Variants in PABPC4L observed in about 807,000 individuals in gnomAD.
The protein encoded by PABPC4L is poly(A) binding protein cytoplasmic 4 like.
For synonymous variants in PABPC4L, 169 were observed against 164.1 expected (o/e 1.03, Z -0.23); for missense variants, 452 against 451.4 (o/e 1.00, Z -0.01).
At chr4:134,118,204 A>C in the PABPC4L span, among the ~76,000 whole-genome samples, 1 of 151,914 alleles carries the variant, frequency 6.6e-6, no homozygotes, top group East Asian at 1.9e-4. Context: ...CCTGTTATTC[A>C]TAAGTAGGTT....
the PABPC4L span, among the ~76,000 whole-genome samples, chr4:134,149,124 C>A: frequency 6.6e-6 from 1 of 152,090 alleles, no homozygotes; most frequent in South Asian, 2.1e-4. Context: ...TTCCAAAGCA[C>A]TGTTCAAGAT....
At chr4:134,136,978 G>A in the PABPC4L span, among the ~76,000 whole-genome samples, 1 of 151,924 alleles carries the variant, frequency 6.6e-6, no homozygotes, top group Non-Finnish European at 1.5e-5. Context: ...TGTTGATAAC[G>A]CTGTGGTCTA....
Position 134,200,965 on chromosome 4 carries a change from C to A in PABPC4L, c.55G>T (p.Ala19Ser). The A allele has an allele frequency of 6.4e-7, 1 of 1,554,082 alleles. No homozygotes were observed. The highest frequency in any genetic ancestry group is 1.2e-5 in the South Asian group (1 of 84,158). The change falls in exon 2 of 2, where the codon GCA (alanine) becomes TCA (serine). Residue 19 changes from alanine (A) to serine (S), a missense_variant. By Grantham distance (99) the Ala-to-Ser change is moderately conservative. Coordinates refer to ENST00000421491, the MANE Select transcript of PABPC4L (RefSeq NM_001114734.2). Reference protein sequence around the residue: ...MASLYVGDLHADVTEDLLFRK... With the variant: ...MASLYVGDLHSDVTEDLLFRK... ...AACAGCAGGTCCTCGGTGACATCTG[C>A]ATGTAAGTCACCCACATACAGGGAG...
chr4:134,154,171 A>T, the PABPC4L span, among the ~76,000 whole-genome samples: 1 of 152,246 alleles, frequency 6.6e-6, no homozygotes, highest in African/African-American at 2.4e-5. Flanking sequence ...TAAATAAAAT[A>T]TTATGAAATA....
At chr4:134,185,386 G>A in the PABPC4L span, among the ~76,000 whole-genome samples, 6 of 151,830 alleles carry the variant, frequency 4.0e-5, no homozygotes, top group Non-Finnish European at 8.8e-5. Flanking sequence ...GTTCAACATA[G>A]GGAAATCAAT....
chr4:134,178,124 TC>T, the PABPC4L span, among the ~76,000 whole-genome samples: 1 of 151,924 alleles, frequency 6.6e-6, no homozygotes, highest in African/African-American at 2.4e-5. Flanking sequence ...ACCTTGTATT[TC>T]CCCAGGAGGC....
At chr4:134,091,902 T>C in the PABPC4L span, among the ~76,000 whole-genome samples, 2 of 152,120 alleles carry the variant, frequency 1.3e-5, no homozygotes, top group Admixed American at 1.3e-4. Flanking sequence ...TGGATTCAGT[T>C]TGCAAATATT....
At chr4:133,956,636 G>A in the PABPC4L span, among the ~76,000 whole-genome samples, 1 of 152,264 alleles carries the variant, frequency 6.6e-6, no homozygotes, top group African/African-American at 2.4e-5. Context: ...CCATATCTCT[G>A]AAGATAGTGT....
the PABPC4L span, among the ~76,000 whole-genome samples, chr4:133,991,632 A>G: frequency 1.4e-3 from 219 of 152,294 alleles, no homozygotes; most frequent in Non-Finnish European, 2.6e-3. Context: ...CCAGTTGCCA[A>G]GATGACTATG....
At chr4:134,003,822 T>A in the PABPC4L span, among the ~76,000 whole-genome samples, 1 of 151,898 alleles carries the variant, frequency 6.6e-6, no homozygotes, top group Non-Finnish European at 1.5e-5. Flanking sequence ...GGATTATTAA[T>A]GTTAAACGGT....
chr4:134,027,313 T>C, the PABPC4L span, among the ~76,000 whole-genome samples: 1 of 152,076 alleles, frequency 6.6e-6, no homozygotes, highest in Non-Finnish European at 1.5e-5. Context: ...AACCAGTCAC[T>C]GGGAGTGGTC....
the PABPC4L span, among the ~76,000 whole-genome samples, chr4:133,956,252 T>C: frequency 6.6e-6 from 1 of 152,218 alleles, no homozygotes. Flanking sequence ...GGAATGTAAT[T>C]ATAATTAGTA....
the PABPC4L span, among the ~76,000 whole-genome samples, chr4:134,091,625 T>G: frequency 6.6e-6 from 1 of 151,836 alleles, no homozygotes; most frequent in Admixed American, 6.6e-5. Context: ...TCTTGAAAAC[T>G]AAGATAGATA....
chr4:133,976,805 GTTGT>G, the PABPC4L span, among the ~76,000 whole-genome samples: 7 of 152,034 alleles, frequency 4.6e-5, no homozygotes, highest in Non-Finnish European at 8.8e-5. Context: ...TTTTAATGGG[GTTGT>G]TTGTTTATTC....
At chr4:134,122,778 A>C in the PABPC4L span, among the ~76,000 whole-genome samples, 6 of 151,728 alleles carry the variant, frequency 4.0e-5, no homozygotes, top group African/African-American at 1.2e-4. Flanking sequence ...CAATTTTTAC[A>C]TTTCCTTTTT....
the PABPC4L span, among the ~76,000 whole-genome samples, chr4:133,994,740 G>A: frequency 6.6e-6 from 1 of 151,958 alleles, no homozygotes; most frequent in Non-Finnish European, 1.5e-5. Context: ...CCTTTCCCTG[G>A]GCATTGGGGA....
At chr4:134,102,705 T>C in the PABPC4L span, among the ~76,000 whole-genome samples, 3 of 151,546 alleles carry the variant, frequency 2.0e-5, no homozygotes, top group Non-Finnish European at 4.4e-5. Flanking sequence ...CTATTTCTCA[T>C]ATTATAGAAT....
At chr4:134,026,512 G>A in the PABPC4L span, among the ~76,000 whole-genome samples, 19 of 152,048 alleles carry the variant, frequency 1.2e-4, no homozygotes, top group Admixed American at 4.6e-4. Context: ...ATATAAAAAT[G>A]TAGTAGTTAA....
chr4:133,974,348 T>A, the PABPC4L span, among the ~76,000 whole-genome samples: 22 of 152,034 alleles, frequency 1.4e-4, no homozygotes, highest in African/African-American at 5.3e-4. Flanking sequence ...TACACAAAAA[T>A]TAACTTAAAA....
Sources: allele counts gnomAD v4.1 joint callset (sites outside exome capture counted in the v4.1 genomes callset), GRCh38; gene constraint gnomAD v4.1.1; transcripts MANE v1.5; gene names NCBI Gene and HGNC (gene_info 2026-07-23, HGNC 2026-07-21).